The following KCTD16 variants were observed in gnomAD, a reference collection of about 807,000 sequenced individuals.
KCTD16 encodes BTB/POZ domain-containing protein KCTD16.
A neutral mutation model predicts 33.2 loss-of-function variants in KCTD16; 13 were observed. The observed-to-expected ratio is 0.39, with a 90% confidence interval of 0.25 to 0.62. KCTD16 has a LOEUF of 0.62. KCTD16 is among the 20% of genes least tolerant of loss of function. The probability of loss-of-function intolerance (pLI) is 0.50; values close to 1 mark genes in which losing one functional copy is unlikely to be tolerated. For missense variants in KCTD16, 441 were observed against 525.1 expected, an observed-to-expected ratio of 0.84 and a Z score of 1.57; for synonymous variants, 197 against 195.3, an observed-to-expected ratio of 1.01 and a Z score of -0.07.
intron 3 of KCTD16, among the ~76,000 whole-genome samples, chr5:144,357,556 A>C (rs1426996839): frequency 6.6e-6 from 1 of 152,222 alleles, no homozygotes; most frequent in East Asian, 1.9e-4. Flanking sequence ...GAGTCTGGGC[A>C]GACAGAGATA....
At chr5:144,222,540 A>T (rs1753791245) in intron 3 of KCTD16, among the ~76,000 whole-genome samples, 4 of 152,218 alleles carry the variant, frequency 2.6e-5, no homozygotes, top group Admixed American at 6.5e-5. Flanking sequence ...CACATGAAAA[A>T]ATGCTCATCA....
In KCTD16 at chr5:144,450,038, A is replaced by G. The variant is rs1032546326; in HGVS notation, c.833-23622A>G. On this transcript the variant is annotated intron_variant, in intron 3 of 3. Coordinates refer to ENST00000512467, the MANE Select transcript of KCTD16 (RefSeq NM_020768.4). Reference sequence around the variant, plus strand: ...CTAAAAATGAGAGAAAATATTTGAAAAACTCATTTACCTGATAAGAATGAA... The same window carrying G: ...CTAAAAATGAGAGAAAATATTTGAAGAACTCATTTACCTGATAAGAATGAA... Among the ~76,000 whole-genome samples the G allele has an allele frequency of 2.0e-5, 3 of 152,102 alleles. No individual in the cohort carries two copies. The South Asian group carries it at 6.2e-4, about 31-fold the overall frequency.
chr5:144,425,740 G>A (rs1336773984), intron 3 of KCTD16, among the ~76,000 whole-genome samples: 1 of 152,030 alleles, frequency 6.6e-6, no homozygotes, highest in Non-Finnish European at 1.5e-5. Context: ...GGAATGCAAG[G>A]AACAGAGTCC....
At chr5:144,242,864 C>T (rs1030009555) in intron 3 of KCTD16, among the ~76,000 whole-genome samples, 4 of 152,146 alleles carry the variant, frequency 2.6e-5, no homozygotes, top group Non-Finnish European at 4.4e-5. Context: ...GATCTAACCC[C>T]ATGACCTAAG....
chr5:144,239,643 A>C (rs1412520658), intron 3 of KCTD16, among the ~76,000 whole-genome samples: 2 of 152,162 alleles, frequency 1.3e-5, no homozygotes, highest in Non-Finnish European at 2.9e-5. Flanking sequence ...TGACTTTTCA[A>C]ATGCCTACTT....
chr5:144,446,842 CA>C (rs1753827790), intron 3 of KCTD16, among the ~76,000 whole-genome samples: 1 of 152,054 alleles, frequency 6.6e-6, no homozygotes, highest in African/African-American at 2.4e-5. Context: ...AAATGCAAAT[CA>C]AAACCACAAT....
intron 3 of KCTD16, among the ~76,000 whole-genome samples, chr5:144,227,293 A>T (rs899219232): frequency 6.6e-6 from 1 of 152,208 alleles, no homozygotes; most frequent in Non-Finnish European, 1.5e-5. Context: ...ATGAACTTTC[A>T]AACTATGGGG....
intron 3 of KCTD16, among the ~76,000 whole-genome samples, chr5:144,320,877 C>T (rs531588052): frequency 1.0e-3 from 158 of 151,726 alleles, no homozygotes; most frequent in Non-Finnish European, 2.0e-3. Context: ...CTTTTTGAGA[C>T]GGAGTTTCAC....
chr5:144,299,898 T>TAAAAAAAAAAAAA (rs66821172), intron 3 of KCTD16, among the ~76,000 whole-genome samples: 4 of 128,886 alleles, frequency 3.1e-5, no homozygotes, highest in Non-Finnish European at 3.3e-5. Flanking sequence ...CAGAATCATT[T>TAAAAAAAAAAAAA]AAAAAAAAAA....
chr5:144,383,911 G>A lies in KCTD16; in HGVS notation c.833-89749G>A, dbSNP rs570790458. On this transcript the variant is annotated intron_variant, in intron 3 of 3. Transcript: ENST00000512467. ...TAAAAACCAATATTATAAAAAATAC[G>A]TAAGAATCTATTCATTAAAAATGGT... Among the ~76,000 whole-genome samples, 5 of 152,216 alleles carry A rather than the reference G, an allele frequency of 3.3e-5. No individual in the cohort carries two copies. The East Asian group carries it at 7.7e-4, about 24-fold the overall frequency.
At chr5:144,279,642 G>A (rs893155821) in intron 3 of KCTD16, among the ~76,000 whole-genome samples, 17 of 152,224 alleles carry the variant, frequency 1.1e-4, no homozygotes, top group African/African-American at 3.6e-4. Context: ...GGAAGGACAA[G>A]AGAGTGTGAG....
At chr5:144,424,550 G>A (rs927449539) in intron 3 of KCTD16, among the ~76,000 whole-genome samples, 5 of 152,204 alleles carry the variant, frequency 3.3e-5, no homozygotes, top group Non-Finnish European at 7.4e-5. Context: ...CTCTGTCTTC[G>A]ATCATTTTCT....
chr5:144,448,643 A>G (rs1024215828), intron 3 of KCTD16, among the ~76,000 whole-genome samples: 5 of 152,086 alleles, frequency 3.3e-5, no homozygotes, highest in Non-Finnish European at 7.4e-5. Flanking sequence ...TAGAGACAAG[A>G]GCAAGCATAT....
At chr5:144,471,636 C>A (rs1036129736) in intron 3 of KCTD16, among the ~76,000 whole-genome samples, 1 of 152,116 alleles carries the variant, frequency 6.6e-6, no homozygotes, top group Non-Finnish European at 1.5e-5. Flanking sequence ...AAAAAATGAT[C>A]CCCTCAAAAT....
intron 3 of KCTD16, among the ~76,000 whole-genome samples, chr5:144,440,196 T>G: frequency 6.6e-6 from 1 of 152,188 alleles, no homozygotes. Context: ...TTTATACTTA[T>G]CCCTCATCAT....
chr5:144,358,233 C>T lies in KCTD16; in HGVS notation c.833-115427C>T, dbSNP rs182302947. Among the ~76,000 whole-genome samples, 19 of 152,032 alleles carry T rather than the reference C, an allele frequency of 1.2e-4. No individual in the cohort carries two copies. The East Asian group carries it at 2.3e-3, about 19-fold the overall frequency. ...ATAGGCATGAGCCACTTTGCCTGAC[C>T]GCCTAGGCTGTGTTTTAAAATGCAG... On this transcript the variant is annotated intron_variant, in intron 3 of 3. Transcript: ENST00000512467.
intron 3 of KCTD16, among the ~76,000 whole-genome samples, chr5:144,294,604 G>C (rs189864002): frequency 6.6e-6 from 1 of 152,140 alleles, no homozygotes; most frequent in Admixed American, 6.5e-5. Flanking sequence ...AAATATGCTT[G>C]TTCCTCATTC....
chr5:144,216,862 A>G (rs566466095), intron 3 of KCTD16, among the ~76,000 whole-genome samples: 3 of 150,976 alleles, frequency 2.0e-5, no homozygotes, highest in Non-Finnish European at 4.4e-5. Context: ...AAAAAAAAAG[A>G]AAAAGAGAGA....
At chr5:144,439,371 CT>C in intron 3 of KCTD16, 1 of 516,434 alleles carries the variant, frequency 1.9e-6, no homozygotes. Context: ...ATGGAGGAAT[CT>C]TGGCATTCAG....
Sources: allele counts gnomAD v4.1 joint callset (sites outside exome capture counted in the v4.1 genomes callset), GRCh38; gene constraint gnomAD v4.1.1; transcripts MANE v1.5; gene names NCBI Gene and HGNC (gene_info 2026-07-23, HGNC 2026-07-21).